Variants in SGCZ observed in about 807,000 individuals in gnomAD.
The protein encoded by SGCZ is sarcoglycan zeta.
Under a neutral mutation model 41.3 loss-of-function variants are expected in SGCZ, and 40 were observed. The observed-to-expected ratio is 0.97, with a 90% CI of 0.75 to 1.26. SGCZ has a LOEUF of 1.26. Ranked by LOEUF, SGCZ falls within the 50% of genes most tolerant of loss-of-function variation. SGCZ has a pLI of 0.00. For synonymous variants in SGCZ, 206 were observed against 137.5 expected, an observed-to-expected ratio of 1.50 and a Z score of -3.49; for missense variants, 552 against 369.8, an observed-to-expected ratio of 1.49 and a Z score of -4.04.
chr8:15,011,323 G>T (rs1396592101), intron 1 of SGCZ, among the ~76,000 whole-genome samples: 1 of 152,066 alleles, frequency 6.6e-6, no homozygotes, highest in East Asian at 1.9e-4. Context: ...GAACTTGAAA[G>T]GAAACAAAAA....
chr8:14,869,467 C>G (rs182503424), intron 1 of SGCZ, among the ~76,000 whole-genome samples: 4,691 of 152,138 alleles, frequency 0.031, 250 homozygotes, highest in African/African-American at 0.1. Context: ...TTATGACAAA[C>G]CCACAGCCAA....
At chr8:14,118,184 ATT>A (rs1404890050) in intron 5 of SGCZ, among the ~76,000 whole-genome samples, 2 of 152,052 alleles carry the variant, frequency 1.3e-5, no homozygotes, top group African/African-American at 4.8e-5. Context: ...GGTTGAACTA[ATT>A]TGCACTCCTA....
intron 1 of SGCZ, among the ~76,000 whole-genome samples, chr8:14,777,162 G>A (rs571502445): frequency 8.5e-5 from 13 of 152,272 alleles, no homozygotes; most frequent in African/African-American, 2.2e-4. Context: ...AAACATGGAC[G>A]TTTATCTAAA....
intron 1 of SGCZ, among the ~76,000 whole-genome samples, chr8:14,975,986 G>GTATA (rs538006541): frequency 1.8e-5 from 2 of 113,776 alleles, no homozygotes; most frequent in Non-Finnish European, 3.9e-5. Flanking sequence ...GTGTATGTGT[G>GTATA]TATATATATA....
At chr8:15,087,952 G>A (rs186699826) in intron 1 of SGCZ, among the ~76,000 whole-genome samples, 2 of 151,000 alleles carry the variant, frequency 1.3e-5, no homozygotes, top group Admixed American at 6.6e-5. Flanking sequence ...CATGTAAAAT[G>A]CTATTTTTTA....
At chr8:15,161,280 T>C (rs114356987) in intron 1 of SGCZ, among the ~76,000 whole-genome samples, 96 of 152,298 alleles carry the variant, frequency 6.3e-4, no homozygotes, top group African/African-American at 2.1e-3. Context: ...TCCCCTACTG[T>C]CGACTCTCCT....
intron 1 of SGCZ, among the ~76,000 whole-genome samples, chr8:14,842,759 A>T (rs1231198180): frequency 1.3e-5 from 2 of 152,202 alleles, no homozygotes; most frequent in Admixed American, 6.5e-5. Flanking sequence ...TGGGATTTGT[A>T]CACTGGATTT....
intron 1 of SGCZ, among the ~76,000 whole-genome samples, chr8:15,022,395 G>A (rs1037304912): frequency 1.3e-5 from 2 of 152,004 alleles, no homozygotes; most frequent in Non-Finnish European, 2.9e-5. Context: ...CCACACTGGA[G>A]TGCAGTGGCA....
At chr8:14,110,423 AATAAC>A (rs1227091892) in intron 5 of SGCZ, among the ~76,000 whole-genome samples, 2 of 152,212 alleles carry the variant, frequency 1.3e-5, no homozygotes, top group Non-Finnish European at 2.9e-5. Flanking sequence ...TGAAAATAAA[AATAAC>A]AGAATGTCAT....
In SGCZ at chr8:14,734,180, T is replaced by G. The variant is rs59518306; in HGVS notation, c.40-179254A>C. On this transcript the variant is annotated intron_variant, in intron 1 of 7. Coordinates refer to ENST00000382080, the MANE Select transcript of SGCZ (RefSeq NM_139167.4). ...TAGAACAGCAAATGATGAAATGCATTGTGACTCTGGCAGCTGGCCGAAAAA... is the reference window on the plus strand; with the variant it reads ...TAGAACAGCAAATGATGAAATGCATGGTGACTCTGGCAGCTGGCCGAAAAA... 3.0e-3 allele frequency among the ~76,000 whole-genome samples: 454 copies of G among 152,268 alleles called. 3 individuals are homozygous for G. The highest frequency in any genetic ancestry group is 0.01 in the African/African-American group (432 of 41,548).
At chr8:14,659,577 T>C (rs958582254) in intron 1 of SGCZ, among the ~76,000 whole-genome samples, 1 of 152,198 alleles carries the variant, frequency 6.6e-6, no homozygotes, top group African/African-American at 2.4e-5. Flanking sequence ...AAGGCTACCT[T>C]GAGAGCCCAT....
intron 1 of SGCZ, among the ~76,000 whole-genome samples, chr8:14,976,268 C>T (rs1801475826): frequency 6.6e-6 from 1 of 151,930 alleles, no homozygotes; most frequent in South Asian, 2.1e-4. Context: ...AGTGATCCAC[C>T]TGCCTTGGCC....
intron 2 of SGCZ, among the ~76,000 whole-genome samples, chr8:14,355,186 G>A (rs764107915): frequency 2.6e-5 from 4 of 151,762 alleles, no homozygotes; most frequent in African/African-American, 4.8e-5. Context: ...TTTGTTTATA[G>A]GCCACAAGCA....
intron 3 of SGCZ, among the ~76,000 whole-genome samples, chr8:14,306,116 T>C (rs569728469): frequency 1.1e-4 from 16 of 152,330 alleles, no homozygotes; most frequent in African/African-American, 3.8e-4. Flanking sequence ...AAAGGTTTTT[T>C]GTTTTGTTTT....
chr8:14,844,917 G>C (rs908609078), intron 1 of SGCZ, among the ~76,000 whole-genome samples: 2 of 152,192 alleles, frequency 1.3e-5, no homozygotes, highest in Non-Finnish European at 2.9e-5. Context: ...AGAGTTTTCA[G>C]ATGCAGGGAG....
chr8:14,165,442 G>A (rs1158709885), intron 4 of SGCZ: 1 of 152,102 alleles, frequency 6.6e-6, no homozygotes, highest in Non-Finnish European at 1.5e-5. Flanking sequence ...ATTAGTTTGA[G>A]TATTAGGCTT....
chr8:14,255,827 G>A (rs1044758326), intron 3 of SGCZ, among the ~76,000 whole-genome samples: 1 of 151,900 alleles, frequency 6.6e-6, no homozygotes, highest in African/African-American at 2.4e-5. Flanking sequence ...CTTAATTATT[G>A]AACAGATTTT....
intron 1 of SGCZ, among the ~76,000 whole-genome samples, chr8:14,618,482 C>A (rs1275888059): frequency 1.3e-5 from 2 of 152,004 alleles, no homozygotes; most frequent in Non-Finnish European, 2.9e-5. Context: ...CCAAGGGCAG[C>A]AAAGATGACC....
At chr8:15,111,486 G>C (rs968297678) in intron 1 of SGCZ, among the ~76,000 whole-genome samples, 1 of 152,172 alleles carries the variant, frequency 6.6e-6, no homozygotes, top group Non-Finnish European at 1.5e-5. Flanking sequence ...CACACATTTA[G>C]GGGGTAGCCA....
Sources: allele counts gnomAD v4.1 joint callset (sites outside exome capture counted in the v4.1 genomes callset), GRCh38; gene constraint gnomAD v4.1.1; transcripts MANE v1.5; gene names NCBI Gene and HGNC (gene_info 2026-07-23, HGNC 2026-07-21).